MAEA: variants seen among roughly 807,000 people sequenced by gnomAD.
MAEA encodes macrophage erythroblast attacher, E3 ubiquitin ligase.
MAEA carries 22 observed loss-of-function variants against 46.2 expected under a neutral mutation model. The ratio of observed to expected loss-of-function variants is 0.48; its 90% CI spans 0.34 to 0.68. The LOEUF (loss-of-function observed/expected upper bound fraction) is 0.68, where lower values mean the gene tolerates loss of function less well. Among genes scored for constraint, MAEA ranks in the 30% least tolerant of loss-of-function variants. The probability of loss-of-function intolerance (pLI) is 0.01; values close to 1 mark genes in which losing one functional copy is unlikely to be tolerated. For synonymous variants in MAEA, 246 were observed against 222.6 expected, an observed-to-expected ratio of 1.11 and a Z score of -0.94; for missense variants, 393 against 558.1, an observed-to-expected ratio of 0.70 and a Z score of 2.98.
At chr4:1,312,423 ATTTTTTTTT>A in intron 2 of MAEA, 2 of 170,948 alleles carry the variant, frequency 1.2e-5, no homozygotes, top group South Asian at 5.3e-5. Flanking sequence ...AGGTTGATTG[ATTTTTTTTT>A]TTTTTTTTTT....
At chr4:1,317,973 C>T (rs1737514106) in intron 3 of MAEA, among the ~76,000 whole-genome samples, 1 of 152,192 alleles carries the variant, frequency 6.6e-6, no homozygotes, top group South Asian at 2.1e-4. Context: ...TTTTCCTCCA[C>T]CTGGGTGTCA....
At chr4:1,315,282 C>G in intron 2 of MAEA, 115 bp from the exon 3 acceptor site, 1 of 1,007,912 alleles carries the variant, frequency 9.9e-7, no homozygotes, top group Non-Finnish European at 1.5e-6. Flanking sequence ...TTTTCTGTCC[C>G]GTAATCCCTG....
intron 1 of MAEA, among the ~76,000 whole-genome samples, chr4:1,305,433 A>G (rs7696746): frequency 0.089 from 13,575 of 152,258 alleles, 1,285 homozygotes; most frequent in East Asian, 0.42. Flanking sequence ...TTGTTTACCC[A>G]TCCTGGTCAA....
chr4:1,306,298 C>T (rs1266291190), intron 1 of MAEA, among the ~76,000 whole-genome samples: 1 of 152,196 alleles, frequency 6.6e-6, no homozygotes, highest in Non-Finnish European at 1.5e-5. Context: ...TGGAGATTAC[C>T]TGCCCTTCAT....
chr4:1,317,723 G>A (rs967587879), intron 3 of MAEA, among the ~76,000 whole-genome samples: 1 of 152,244 alleles, frequency 6.6e-6, no homozygotes, highest in South Asian at 2.1e-4. Flanking sequence ...AAGCGTGAAT[G>A]TGATGTGTCA....
Position 1,311,589 on chromosome 4 carries a change from C to A in MAEA, c.70-390C>A, listed in dbSNP as rs551544126. Among the ~76,000 whole-genome samples, 1 of 152,292 alleles carries A rather than the reference C, an allele frequency of 6.6e-6. No individual in the cohort carries two copies. The highest frequency in any genetic ancestry group is 1.9e-4 in the East Asian group (1 of 5,162). On this transcript the variant is annotated intron_variant, in intron 1 of 8. Transcript: ENST00000303400. This position sits in a 1 kb window ranked among gnomAD's most constrained non-coding sequence, Gnocchi z 4.4. ...CCGGCCTGGCCTCGTGTGGTGGCGC[C>A]TGCAGCCGCAGCAGCCTGGCTGATC...
intron 1 of MAEA, among the ~76,000 whole-genome samples, chr4:1,294,764 A>T (rs1226467204): frequency 2.8e-5 from 3 of 106,752 alleles, no homozygotes; most frequent in African/African-American, 1.2e-4. Context: ...GACGCTGATG[A>T]GGTTGAGGTG....
Position 1,311,040 on chromosome 4 carries a change from G to A in MAEA, c.70-939G>A, listed in dbSNP as rs1256285445. On this transcript the variant is annotated intron_variant, in intron 1 of 8. Transcript: ENST00000303400. The surrounding 1 kb of genome is among the most constrained non-coding windows in gnomAD (Gnocchi z 4.4). The stretch of plus-strand genomic sequence containing the variant: ...AGGTCGAGGCGTGCCCAGGGCCGGG[G>A]GAGCAGGCGGTACCCGAGAGTCTGT... Among the ~76,000 whole-genome samples, 2 of 145,636 alleles carry A rather than the reference G, an allele frequency of 1.4e-5. No homozygotes were observed. The highest frequency in any genetic ancestry group is 6.9e-5 in the Admixed American group (1 of 14,402).
Position 1,311,049 on chromosome 4 carries a change from G to A in MAEA, c.70-930G>A, listed in dbSNP as rs1484392912. On this transcript the variant is annotated intron_variant, in intron 1 of 8. Coordinates refer to ENST00000303400, the MANE Select transcript of MAEA (RefSeq NM_001017405.3). This position sits in a 1 kb window ranked among gnomAD's most constrained non-coding sequence, Gnocchi z 4.4. ...CGTGCCCAGGGCCGGGGGAGCAGGC[G>A]GTACCCGAGAGTCTGTCCTCCCATG... Among the ~76,000 whole-genome samples, 2 of 110,798 alleles carry A rather than the reference G, an allele frequency of 1.8e-5. No individual in the cohort carries two copies. Among genetic ancestry groups the A allele is most frequent in the East Asian group, 2.6e-4 (1 of 3,786 alleles). The allele number at this position is 110,798 out of a possible 152,430, so 72.7% of individuals were successfully genotyped here.
chr4:1,337,088 C>A, intron 7 of MAEA, 94 bp downstream of exon 7: 1 of 1,451,752 alleles, frequency 6.9e-7, no homozygotes, highest in Non-Finnish European at 9.4e-7. Context: ...CCACTCTTGT[C>A]CTCCCACCAC....
In MAEA at chr4:1,289,991, C is replaced by T. The variant is rs532027062; in HGVS notation, c.69+9C>T. On this transcript the variant is annotated intron_variant, in intron 1 of 8. Transcript: ENST00000303400. ...AGTACCCGACCCTCAAGGTGGGCGC[C>T]TGCGCCGCGCAGGCTGAGGGCAGCG... 1.3e-6 allele frequency: 2 copies of T among 1,581,764 alleles called. No homozygotes were observed. Among genetic ancestry groups the T allele is most frequent in the South Asian group, 1.1e-5 (1 of 87,020 alleles).
At position 1,333,994 on chromosome 4, in the gene MAEA, AT is replaced by A. The variant is rs1306548228; in HGVS notation, c.765+1130del. The stretch of plus-strand genomic sequence containing the variant: ...TGCCCGTGTGCTCACCCCTGCACCC[AT>A]CCCATGCCTACCGTGCTCACCCCCA... On this transcript the variant is annotated intron_variant, in intron 6 of 8. Transcript: ENST00000303400. Among the ~76,000 whole-genome samples the A allele has an allele frequency of 3.3e-4, 11 of 32,896 alleles. 1 individual carries two copies. Among genetic ancestry groups the A allele is most frequent in the African/African-American group, 1.9e-3 (11 of 5,910 alleles). The allele number at this position is 32,896 out of a possible 152,430, so 21.6% of individuals were successfully genotyped here.
At position 1,325,764 on chromosome 4, in the gene MAEA, C is replaced by G. The variant is rs561044181; in HGVS notation, c.580-1863C>G. On this transcript the variant is annotated intron_variant, in intron 4 of 8. Transcript: ENST00000303400. ...GCTCTGAAGGGAGCGGAGTGCTGAC[C>G]GAAGTCTGCCTGCTGATTAGTGGGG... Among the ~76,000 whole-genome samples the G allele has an allele frequency of 3.3e-5, 5 of 152,204 alleles. No homozygotes were observed. In the South Asian group the frequency reaches 1.0e-3, roughly 32 times the overall value.
At chr4:1,322,273 GA>G in intron 3 of MAEA, 107 bp from the exon 4 acceptor site, 1 of 1,458,924 alleles carries the variant, frequency 6.9e-7, no homozygotes, top group African/African-American at 1.4e-5. Flanking sequence ...GATGCATCTC[GA>G]GTGGTGGCCG....
At chr4:1,316,829 C>T (rs1295570782) in intron 3 of MAEA, among the ~76,000 whole-genome samples, 1 of 152,086 alleles carries the variant, frequency 6.6e-6, no homozygotes, top group Non-Finnish European at 1.5e-5. Flanking sequence ...CGCCCCCATG[C>T]AGCCATCTGC....
chr4:1,318,430 C>CT (rs1213434684), intron 3 of MAEA, among the ~76,000 whole-genome samples: 1 of 152,226 alleles, frequency 6.6e-6, no homozygotes, highest in African/African-American at 2.4e-5. Flanking sequence ...GCTGATGATT[C>CT]TAAGGCCAGT....
Position 1,336,994 on chromosome 4 carries a change from C to T in MAEA, c.899C>T (p.Pro300Leu), listed in dbSNP as rs763235067. The T allele has an allele frequency of 8.1e-6, 13 of 1,613,702 alleles. No homozygotes were observed. The highest frequency in any genetic ancestry group is 1.0e-5 in the Non-Finnish European group (12 of 1,179,940). Reference sequence around the variant, plus strand: ...GCTGGCCTCTCAGCCATCAAGACACCGTATCCTACCTCCCGTGCGCAGTGC... The same window carrying T: ...GCTGGCCTCTCAGCCATCAAGACACTGTATCCTACCTCCCGTGCGCAGTGC... ...LQAGLSAIKT[P>L]QCYKEDGSSK... The change falls in exon 7 of 9, where the codon CCA becomes CTA. Residue 300 changes from proline (P) to leucine (L), a missense_variant and splice_region_variant. By Grantham distance (98) the Pro-to-Leu change is moderately conservative. Around this residue, in one of 2 missense-constraint regions of MAEA, gnomAD observed 358 missense variants for 537.9 expected, o/e 0.67. Transcript: ENST00000303400.
intron 4 of MAEA, among the ~76,000 whole-genome samples, chr4:1,326,168 C>A (rs1738789085): frequency 6.6e-6 from 1 of 152,210 alleles, no homozygotes; most frequent in Non-Finnish European, 1.5e-5. Context: ...GGTGGCTCCT[C>A]AGAAAGCTCA....
rs542611710 is a variant in MAEA, at chr4:1,338,630, G to C, written c.1095+13G>C. 1.2e-5 allele frequency: 19 copies of C among 1,588,756 alleles called. No homozygotes were observed. In the Admixed American group the frequency reaches 3.2e-4, roughly 27 times the overall value. ...CTACGGCTACAATGTGAGGGGGGCA[G>C]GGCAGGGGGGCCAGGCTGGCACGCA... On this transcript the variant is annotated intron_variant, in intron 8 of 8. Coordinates refer to ENST00000303400, the MANE Select transcript of MAEA (RefSeq NM_001017405.3).
Sources: gnomAD v4.1 joint callset for allele counts (sites outside exome capture counted in the v4.1 genomes callset) on GRCh38, gnomAD v4.1.1 for gene constraint, gnomAD v4.1.1 regional missense constraint, Gnocchi (gnomAD v3.1) non-coding constraint, MANE v1.5 for transcripts, NCBI Gene and HGNC (gene_info 2026-07-23, HGNC 2026-07-21) for gene names.